The following ASCC1 variants were observed in gnomAD, a reference collection of about 807,000 sequenced individuals.
The protein encoded by ASCC1 is ASC-1 complex subunit P50.
Under a neutral mutation model 46.6 loss-of-function variants are expected in ASCC1, and 35 were observed. That is an observed-to-expected ratio of 0.75 (90% CI 0.57 to 0.99). The LOEUF (loss-of-function observed/expected upper bound fraction) is 0.99. Among genes scored for constraint, ASCC1 ranks in the 50% least tolerant of loss-of-function variants. The probability of loss-of-function intolerance (pLI) is 0.00; values close to 1 mark genes in which losing one functional copy is unlikely to be tolerated. For synonymous variants in ASCC1, 143 were observed against 146.6 expected (o/e 0.98, Z 0.18); for missense variants, 376 against 428.7 (o/e 0.88, Z 1.09).
At chr10:72,116,230 C>T (rs567845824) in intron 9 of ASCC1, among the ~76,000 whole-genome samples, 1 of 152,244 alleles carries the variant, frequency 6.6e-6, no homozygotes, top group African/African-American at 2.4e-5. Context: ...TTTATCCTTC[C>T]TTCTTTTTTA....
intron 5 of ASCC1, among the ~76,000 whole-genome samples, chr10:72,184,189 G>A (rs1384087676): frequency 7.4e-5 from 11 of 148,622 alleles, no homozygotes; most frequent in African/African-American, 2.0e-4. Context: ...AAAAAAAAGC[G>A]GTACAAAGAA....
chr10:72,168,167 G>A (rs1226911592), intron 5 of ASCC1, among the ~76,000 whole-genome samples: 3 of 151,924 alleles, frequency 2.0e-5, no homozygotes, highest in African/African-American at 4.8e-5. Context: ...CTCCAGTCTG[G>A]GTGACAGAGC....
chr10:72,135,837 T>C (rs747704380), intron 7 of ASCC1, among the ~76,000 whole-genome samples: 38 of 152,180 alleles, frequency 2.5e-4, no homozygotes, highest in Admixed American at 7.2e-4. Context: ...TCTAAAACAA[T>C]GTTTCTCCTG....
At chr10:72,206,489 T>C (rs1857236883) in intron 3 of ASCC1, among the ~76,000 whole-genome samples, 1 of 152,158 alleles carries the variant, frequency 6.6e-6, no homozygotes. Context: ...TTAAATGTGA[T>C]CATATATGAA....
chr10:72,096,989 A>G lies in ASCC1; in HGVS notation c.*345T>C. 2.2e-6 allele frequency: 1 copy of G among 456,198 alleles called. No homozygotes were observed. Among genetic ancestry groups the G allele is most frequent in the Non-Finnish European group, 4.4e-6 (1 of 228,214 alleles). The allele number at this position is 456,198 out of a possible 1,614,324, so 28.3% of individuals were successfully genotyped here. A position where few individuals can be genotyped will look rare whatever the true frequency, so the allele number is the denominator to read the frequency against. ...ATGGAGATGGACGGCGGTGACGGCC[A>G]CACAGCATTATGAATGTATTAACAG... On this transcript the variant is annotated 3_prime_UTR_variant, in exon 10 of 10. Coordinates refer to ENST00000672957, the MANE Select transcript of ASCC1 (RefSeq NM_001198800.3).
intron 5 of ASCC1, among the ~76,000 whole-genome samples, chr10:72,177,768 G>T (rs750529629): frequency 3.9e-5 from 6 of 152,202 alleles, no homozygotes; most frequent in Non-Finnish European, 7.3e-5. Context: ...TCTTGAACTT[G>T]CAGGCAATGA....
intron 2 of ASCC1, 80 bp from the exon 3 acceptor site, chr10:72,210,911 G>C (rs1489589520): frequency 1.5e-6 from 2 of 1,365,888 alleles, no homozygotes; most frequent in Non-Finnish European, 2.1e-6. Context: ...GTCAACCGCT[G>C]TTGAGGTTTA....
At chr10:72,103,629 A>AACCTATGAAG (rs546549121) in intron 9 of ASCC1, among the ~76,000 whole-genome samples, 1 of 152,040 alleles carries the variant, frequency 6.6e-6, no homozygotes, top group South Asian at 2.1e-4. Flanking sequence ...CAGACGATAA[A>AACCTATGAAG]ACCTATGAAG....
At chr10:72,103,294 G>A (rs10823902) in intron 9 of ASCC1, among the ~76,000 whole-genome samples, 19,970 of 151,420 alleles carry the variant, frequency 0.13, 2,393 homozygotes, top group African/African-American at 0.31. Context: ...CACCGCACCC[G>A]GCTAATTTTT....
At chr10:72,161,738 T>C (rs546427751) in intron 5 of ASCC1, 64 bp from the exon 6 acceptor site, 136 of 1,601,870 alleles carry the variant, frequency 8.5e-5, no homozygotes, top group Admixed American at 1.7e-4. Flanking sequence ...AAGAATAAAA[T>C]TGAGTCCCCA....
chr10:72,121,848 A>C (rs1844245006), intron 9 of ASCC1, among the ~76,000 whole-genome samples: 1 of 152,266 alleles, frequency 6.6e-6, no homozygotes, highest in African/African-American at 2.4e-5. Flanking sequence ...TCCAGAAGGC[A>C]TAAAATCAGT....
chr10:72,180,042 C>A (rs1387335710), intron 5 of ASCC1, among the ~76,000 whole-genome samples: 13 of 152,098 alleles, frequency 8.5e-5, no homozygotes, highest in Admixed American at 8.5e-4. Flanking sequence ...TTTAGGAGGC[C>A]AAGGCAGGTG....
Position 72,096,425 on chromosome 10 carries a change from C to T in ASCC1, c.*909G>A, listed in dbSNP as rs766105522. On this transcript the variant is annotated 3_prime_UTR_variant, in exon 10 of 10. Coordinates refer to ENST00000672957, the MANE Select transcript of ASCC1 (RefSeq NM_001198800.3). Reference sequence around the variant, plus strand: ...TGCAACACTGCAACTCCATCAGGGGCATGGGAAGATGAGGGTGGGGATGGG... The same window carrying T: ...TGCAACACTGCAACTCCATCAGGGGTATGGGAAGATGAGGGTGGGGATGGG... 2.2e-6 allele frequency: 1 copy of T among 453,954 alleles called. No individual in the cohort carries two copies. The highest frequency in any genetic ancestry group is 4.4e-6 in the Non-Finnish European group (1 of 226,804). 28.1% of individuals were successfully genotyped at this position (453,954 alleles called of 1,614,324 possible).
chr10:72,186,863 G>A lies in ASCC1; in HGVS notation c.489+9948C>T, dbSNP rs1006334847. On this transcript the variant is annotated intron_variant, in intron 5 of 9. Transcript: ENST00000672957. ...AGCTCATTCTGGCGAAATCAAAGCA[G>A]TAATTCCAGTGTTTGTTCCCTGTCA... Among the ~76,000 whole-genome samples, 8 of 140,712 alleles carry A rather than the reference G, an allele frequency of 5.7e-5. No homozygotes were observed. In the South Asian group the frequency reaches 1.6e-3, roughly 29 times the overall value. The allele number at this position is 140,712 out of a possible 152,430, so 92.3% of individuals were successfully genotyped here.
rs369830449 is a variant in ASCC1 at position 72,139,140 on chromosome 10, G to A, written c.747-5959C>T. 9.1e-4 allele frequency among the ~76,000 whole-genome samples: 127 copies of A among 139,050 alleles called. 2 individuals carry two copies. Among genetic ancestry groups the A allele is most frequent in the African/African-American group, 3.4e-3 (122 of 35,840 alleles). The allele number at this position is 139,050 out of a possible 152,430, so 91.2% of individuals were successfully genotyped here. A position where few individuals can be genotyped will look rare whatever the true frequency, so the allele number is the denominator to read the frequency against. ...TTTTTTTTTTTTTTTTTGAGACGGC[G>A]TCTCACTCTGTTGCCCAGTCTGGAG... On this transcript the variant is annotated intron_variant, in intron 7 of 9. Transcript: ENST00000672957.
intron 9 of ASCC1, among the ~76,000 whole-genome samples, chr10:72,113,229 AT>A (rs1255962173): frequency 6.6e-6 from 1 of 152,032 alleles, no homozygotes; most frequent in Non-Finnish European, 1.5e-5. Context: ...TAACCTCTTA[AT>A]TTTTTTTCTA....
chr10:72,097,485 T>A (rs1383510897), intron 9 of ASCC1, 35 bp from the exon 10 acceptor site: 2 of 1,286,208 alleles, frequency 1.6e-6, no homozygotes, highest in Non-Finnish European at 2.3e-6. Flanking sequence ...GAATGAATAT[T>A]TAAAGTATAG....
At chr10:72,102,338 T>C in intron 9 of ASCC1, 1 of 1,549,548 alleles carries the variant, frequency 6.5e-7, no homozygotes, top group South Asian at 1.2e-5. Flanking sequence ...TCTTACCCAC[T>C]AGCTCTCTGT....
chr10:72,152,141 C>T (rs943717509), intron 7 of ASCC1, among the ~76,000 whole-genome samples: 1 of 151,268 alleles, frequency 6.6e-6, no homozygotes, highest in Non-Finnish European at 1.5e-5. Flanking sequence ...TACAGGCGCA[C>T]ACCATCATGC....
Sources: gnomAD v4.1 joint callset for allele counts (sites outside exome capture counted in the v4.1 genomes callset) on GRCh38, gnomAD v4.1.1 for gene constraint, MANE v1.5 for transcripts, NCBI Gene and HGNC (gene_info 2026-07-23, HGNC 2026-07-21) for gene names.